The following MAGI2 variants were observed in gnomAD, a reference collection of about 807,000 sequenced individuals.
MAGI2 encodes the protein membrane associated guanylate kinase, WW and PDZ domain containing 2.
MAGI2 carries 35 observed loss-of-function variants against 133.3 expected under a neutral mutation model. The observed-to-expected ratio is 0.26, with a 90% confidence interval of 0.20 to 0.35. The LOEUF is 0.35. Among genes scored for constraint, MAGI2 ranks in the 10% least tolerant of loss-of-function variants. The pLI, the probability that MAGI2 is intolerant of heterozygous loss-of-function variation, is 1.00. For missense variants in MAGI2, 1,636 were observed against 1,863.4 expected, an observed-to-expected ratio of 0.88 and a Z score of 2.25; for synonymous variants, 729 against 710.6, an observed-to-expected ratio of 1.03 and a Z score of -0.41.
At chr7:78,204,582 T>C (rs1336277763) in intron 10 of MAGI2, among the ~76,000 whole-genome samples, 1 of 152,250 alleles carries the variant, frequency 6.6e-6, no homozygotes, top group East Asian at 1.9e-4. Flanking sequence ...GAAAGCTGTA[T>C]ATTAGAATTC....
At chr7:78,737,904 T>C (rs1053725488) in intron 2 of MAGI2, among the ~76,000 whole-genome samples, 1 of 152,220 alleles carries the variant, frequency 6.6e-6, no homozygotes, top group African/African-American at 2.4e-5. Flanking sequence ...CATTTGAGAA[T>C]GGCTATCACT....
intron 2 of MAGI2, among the ~76,000 whole-genome samples, chr7:78,917,145 C>T (rs1403076181): frequency 6.6e-6 from 1 of 151,948 alleles, no homozygotes; most frequent in African/African-American, 2.4e-5. Context: ...TGAACTAATA[C>T]TACTTGGTGG....
At chr7:78,652,868 T>G (rs937020109) in intron 2 of MAGI2, among the ~76,000 whole-genome samples, 5 of 151,918 alleles carry the variant, frequency 3.3e-5, no homozygotes, top group African/African-American at 1.2e-4. Flanking sequence ...TGGGAGAAGA[T>G]TTTTGCAATC....
chr7:79,183,998 G>A (rs1467717907), intron 1 of MAGI2, among the ~76,000 whole-genome samples: 1 of 151,196 alleles, frequency 6.6e-6, no homozygotes, highest in Non-Finnish European at 1.5e-5. Context: ...ATGAGAGTGG[G>A]GGAAAGCAGA....
intron 21 of MAGI2, among the ~76,000 whole-genome samples, chr7:78,069,539 G>GGAGAGA (rs3840607): frequency 1.6e-3 from 213 of 134,716 alleles, no homozygotes; most frequent in African/African-American, 2.5e-3. Context: ...GAAAGAGAGA[G>GGAGAGA]GAGAGAGAGA....
chr7:78,702,958 C>A (rs1396396829), intron 2 of MAGI2, among the ~76,000 whole-genome samples: 1 of 151,766 alleles, frequency 6.6e-6, no homozygotes, highest in Non-Finnish European at 1.5e-5. Context: ...AAAGAATCAC[C>A]CAAGAAGAGT....
chr7:78,431,168 A>G (rs1366518692), intron 6 of MAGI2, among the ~76,000 whole-genome samples: 3 of 151,866 alleles, frequency 2.0e-5, no homozygotes, highest in Non-Finnish European at 2.9e-5. Context: ...CTGCTGATTC[A>G]GTGAACTTTT....
chr7:78,960,498 A>G (rs1020228764), intron 2 of MAGI2, among the ~76,000 whole-genome samples: 2 of 152,062 alleles, frequency 1.3e-5, no homozygotes, highest in Non-Finnish European at 2.9e-5. Flanking sequence ...GTCTTTCTTT[A>G]GTGGCCTTGA....
intron 2 of MAGI2, among the ~76,000 whole-genome samples, chr7:78,863,700 T>A (rs1794335655): frequency 6.6e-6 from 1 of 152,226 alleles, no homozygotes; most frequent in Non-Finnish European, 1.5e-5. Context: ...CAGATAAATA[T>A]AGGATCACTA....
At chr7:78,249,134 A>G (rs889666612) in intron 10 of MAGI2, among the ~76,000 whole-genome samples, 5 of 152,166 alleles carry the variant, frequency 3.3e-5, no homozygotes, top group African/African-American at 1.2e-4. Flanking sequence ...ACTAATTATC[A>G]GGGAAATACA....
At chr7:78,729,701 T>A (rs756103563) in intron 2 of MAGI2, among the ~76,000 whole-genome samples, 2 of 152,202 alleles carry the variant, frequency 1.3e-5, no homozygotes, top group African/African-American at 2.4e-5. Flanking sequence ...TACTGTTTTG[T>A]CAGATGCCAG....
At chr7:78,561,334 C>T (rs956712020) in intron 3 of MAGI2, among the ~76,000 whole-genome samples, 2 of 152,062 alleles carry the variant, frequency 1.3e-5, no homozygotes, top group Non-Finnish European at 2.9e-5. Flanking sequence ...AGTTAAATAG[C>T]TTAGTAACTG....
chr7:78,335,395 C>CTT (rs780603534), intron 9 of MAGI2, among the ~76,000 whole-genome samples: 33 of 152,216 alleles, frequency 2.2e-4, no homozygotes, highest in Non-Finnish European at 3.2e-4. Flanking sequence ...ACAGATTAGA[C>CTT]TTTCTTATTC....
chr7:79,304,067 AT>A lies in MAGI2; in HGVS notation c.301+148952del, dbSNP rs1277999840. On this transcript the variant is annotated intron_variant, in intron 1 of 21. Coordinates refer to ENST00000354212, the MANE Select transcript of MAGI2 (RefSeq NM_012301.4). ...ACAGAATCTCCATTCGTGCCCTTTT[AT>A]TGACACCACCAGTTATCACTGAAGG... Among the ~76,000 whole-genome samples, 28 of 152,162 alleles carry A rather than the reference AT, an allele frequency of 1.8e-4. No homozygotes were observed. In the South Asian group the frequency reaches 5.8e-3, roughly 32 times the overall value.
chr7:78,986,705 T>C (rs1394510856), intron 2 of MAGI2, among the ~76,000 whole-genome samples: 5 of 151,658 alleles, frequency 3.3e-5, no homozygotes, highest in Admixed American at 3.3e-4. Context: ...AACCCTAGAG[T>C]TGAAGTGATT....
chr7:79,235,377 G>A (rs1367237577), intron 1 of MAGI2, among the ~76,000 whole-genome samples: 1 of 152,144 alleles, frequency 6.6e-6, no homozygotes, highest in Non-Finnish European at 1.5e-5. Flanking sequence ...GCAATGGCGG[G>A]CGCCCCTCCC....
chr7:78,553,319 G>A (rs1434097657), intron 3 of MAGI2, among the ~76,000 whole-genome samples: 1 of 151,982 alleles, frequency 6.6e-6, no homozygotes, highest in African/African-American at 2.4e-5. Context: ...TACTCTCCAC[G>A]CTGCCCAAAT....
chr7:78,640,149 T>C (rs968986809), intron 2 of MAGI2, among the ~76,000 whole-genome samples: 3 of 152,190 alleles, frequency 2.0e-5, no homozygotes, highest in Non-Finnish European at 4.4e-5. Flanking sequence ...CTCAGACTAC[T>C]GTATTTCCTT....
At chr7:78,946,695 A>G (rs917251295) in intron 2 of MAGI2, 2 of 152,208 alleles carry the variant, frequency 1.3e-5, no homozygotes, top group Admixed American at 6.5e-5. Context: ...AATGGAACCA[A>G]TAAGAGGCTT....
Sources: allele counts gnomAD v4.1 joint callset (sites outside exome capture counted in the v4.1 genomes callset), GRCh38; gene constraint gnomAD v4.1.1; transcripts MANE v1.5; gene names NCBI Gene and HGNC (gene_info 2026-07-23, HGNC 2026-07-21).